Variants in DPYD observed in about 807,000 individuals in gnomAD.
DPYD encodes dihydropyrimidine dehydrogenase.
DPYD carries 109 observed loss-of-function variants against 116.2 expected under a neutral mutation model. The observed-to-expected ratio is 0.94, with a 90% CI of 0.80 to 1.10. DPYD has a LOEUF of 1.10. Ranked by LOEUF, DPYD falls within the 50% of genes least tolerant of loss-of-function variation. The pLI, the probability that DPYD is intolerant of heterozygous loss-of-function variation, is 0.00. For missense variants in DPYD, 1,302 were observed against 1,254.5 expected (o/e 1.04, Z -0.57); for synonymous variants, 440 against 432.0 (o/e 1.02, Z -0.23).
At position 97,804,638 on chromosome 1, in the gene DPYD, C is replaced by T. The variant is rs143507942; in HGVS notation, c.233+23476G>A. Reference sequence around the variant, plus strand: ...GTATAGCATACTCAATGATACAGAACTCTCTCCAGAGAAAAGAGGGAATTA... The same window carrying T: ...GTATAGCATACTCAATGATACAGAATTCTCTCCAGAGAAAAGAGGGAATTA... On this transcript the variant is annotated intron_variant, in intron 3 of 22. Coordinates refer to ENST00000370192, the MANE Select transcript of DPYD (RefSeq NM_000110.4). Among the ~76,000 whole-genome samples, 52 of 151,914 alleles carry T rather than the reference C, an allele frequency of 3.4e-4. No homozygotes were observed. The East Asian group carries it at 9.3e-3, about 27-fold the overall frequency.
intron 10 of DPYD, among the ~76,000 whole-genome samples, chr1:97,592,968 A>G (rs1571021551): frequency 6.6e-6 from 1 of 152,322 alleles, no homozygotes; most frequent in African/African-American, 2.4e-5. Flanking sequence ...ATACATTTCA[A>G]GCATATTAAC....
intron 20 of DPYD, among the ~76,000 whole-genome samples, chr1:97,112,810 T>C (rs1427994764): frequency 6.6e-6 from 1 of 152,140 alleles, no homozygotes; most frequent in Non-Finnish European, 1.5e-5. Flanking sequence ...AAAAGGACTT[T>C]CCATCCATTA....
chr1:97,436,056 G>A (rs1570730764), intron 14 of DPYD, among the ~76,000 whole-genome samples: 3 of 151,908 alleles, frequency 2.0e-5, no homozygotes, highest in African/African-American at 7.2e-5. Flanking sequence ...GATTAAATGG[G>A]CCCTTTGCAC....
chr1:97,601,955 T>G (rs1655274311), intron 8 of DPYD, among the ~76,000 whole-genome samples: 3 of 152,084 alleles, frequency 2.0e-5, no homozygotes, highest in Admixed American at 6.5e-5. Flanking sequence ...CTGTCTATAC[T>G]CTTTCTCTAA....
intron 3 of DPYD, among the ~76,000 whole-genome samples, chr1:97,811,290 T>A (rs1342212279): frequency 1.3e-5 from 2 of 152,170 alleles, no homozygotes; most frequent in Non-Finnish European, 2.9e-5. Context: ...CCAATTTTCA[T>A]GAGGATAAAG....
intron 20 of DPYD, among the ~76,000 whole-genome samples, chr1:97,144,996 T>A (rs915207705): frequency 1.3e-5 from 2 of 151,828 alleles, no homozygotes; most frequent in African/African-American, 2.4e-5. Flanking sequence ...GGCCACAGGG[T>A]GATGGTGGTG....
intron 12 of DPYD, among the ~76,000 whole-genome samples, chr1:97,533,406 T>C (rs1360057587): frequency 3.3e-5 from 5 of 152,060 alleles, no homozygotes; most frequent in African/African-American, 1.2e-4. Context: ...CCCCCTAAAA[T>C]AATAAATAAC....
chr1:97,656,883 C>T (rs1050936199), intron 8 of DPYD, among the ~76,000 whole-genome samples: 2 of 149,174 alleles, frequency 1.3e-5, no homozygotes, highest in East Asian at 2.0e-4. Context: ...ACTTTGCTTA[C>T]TATAAATGGT....
chr1:97,422,637 CA>C (rs1425314891), intron 14 of DPYD, among the ~76,000 whole-genome samples: 1 of 152,102 alleles, frequency 6.6e-6, no homozygotes, highest in East Asian at 1.9e-4. Flanking sequence ...GAGCACATGA[CA>C]GGGTGGTGGA....
intron 13 of DPYD, among the ~76,000 whole-genome samples, chr1:97,504,408 C>T (rs1679766301): frequency 6.6e-6 from 1 of 151,922 alleles, no homozygotes; most frequent in South Asian, 2.1e-4. Flanking sequence ...TTAAGGGACC[C>T]ATATTTAAAT....
rs950267918 is a variant in DPYD at position 97,549,696 on chromosome 1, T to C, written c.1388A>G (p.Glu463Gly). 6.2e-7 allele frequency: 1 copy of C among 1,613,846 alleles called. No individual in the cohort carries two copies. Among genetic ancestry groups the C allele is most frequent in the Non-Finnish European group, 8.5e-7 (1 of 1,179,876 alleles). ...AGTTTGCATAGTTTCTGGATCTACT[T>C]CTGGGAGACCCCATCTGTTAAATTT... The part of the protein sequence containing the change: ...PIKFNRWGLP[E>G]VDPETMQTSE... The change falls in exon 12 of 23, where the codon GAA (glutamate) becomes GGA (glycine). Residue 463 changes from glutamate to glycine, a missense_variant. Coordinates refer to ENST00000370192, the MANE Select transcript of DPYD (RefSeq NM_000110.4).
intron 19 of DPYD, among the ~76,000 whole-genome samples, chr1:97,206,879 A>G (rs1659675954): frequency 6.6e-6 from 1 of 151,326 alleles, no homozygotes; most frequent in Non-Finnish European, 1.5e-5. Context: ...ATAGACACAT[A>G]TATACACATA....
At chr1:97,888,664 A>G (rs560323153) in intron 1 of DPYD, among the ~76,000 whole-genome samples, 179 of 152,154 alleles carry the variant, frequency 1.2e-3, no homozygotes, top group Non-Finnish European at 2.1e-3. Flanking sequence ...AATAGTTTCA[A>G]TAAGTTTAAC....
Position 97,691,745 on chromosome 1 carries a change from A to G in DPYD, c.734T>C (p.Ile245Thr). ...TACACCAAGGTCCTTCATTAGCTCA[A>G]TCTCAAAATTCACTACATCATACGG... ...RLPYDVVNFEIELMKDLGVKI... is the reference protein window; with the variant it reads ...RLPYDVVNFETELMKDLGVKI... Residue 245 changes from isoleucine (I) to threonine (T), a missense_variant, in exon 7 of 23, where the codon ATT (isoleucine) becomes ACT (threonine). Ile to Thr is a moderately conservative substitution (Grantham distance 89). Coordinates refer to ENST00000370192, the MANE Select transcript of DPYD (RefSeq NM_000110.4). 1.9e-6 allele frequency: 3 copies of G among 1,613,758 alleles called. No homozygotes were observed. The highest frequency in any genetic ancestry group is 3.3e-4 in the Middle Eastern group (2 of 6,058).
At chr1:97,633,315 T>C (rs1286886416) in intron 8 of DPYD, among the ~76,000 whole-genome samples, 10 of 152,068 alleles carry the variant, frequency 6.6e-5, no homozygotes, top group Non-Finnish European at 1.5e-4. Flanking sequence ...GCCCCTATAA[T>C]GTAAAGGGAA....
intron 20 of DPYD, among the ~76,000 whole-genome samples, chr1:97,125,332 C>A (rs1378026965): frequency 6.6e-6 from 1 of 151,684 alleles, no homozygotes; most frequent in African/African-American, 2.4e-5. Flanking sequence ...TTTTTCTCAA[C>A]AAAAAAACAG....
chr1:97,746,408 T>C (rs939208988), intron 3 of DPYD, among the ~76,000 whole-genome samples: 8 of 152,054 alleles, frequency 5.3e-5, no homozygotes, highest in Admixed American at 2.0e-4. Flanking sequence ...TCAAGTACTT[T>C]GTGCTGTCTC....
At chr1:97,637,621 G>T (rs75314491) in intron 8 of DPYD, among the ~76,000 whole-genome samples, 10,795 of 151,986 alleles carry the variant, frequency 0.071, 568 homozygotes, top group Non-Finnish European at 0.094. Flanking sequence ...AGACAAACAA[G>T]AAAGAAGTGA....
chr1:97,403,028 C>A (rs961833245), intron 14 of DPYD, among the ~76,000 whole-genome samples: 3 of 151,960 alleles, frequency 2.0e-5, no homozygotes, highest in African/African-American at 2.4e-5. Context: ...TTTTGTTGAG[C>A]ATTTTTGCAT....
Sources: allele counts gnomAD v4.1 joint callset (sites outside exome capture counted in the v4.1 genomes callset), GRCh38; gene constraint gnomAD v4.1.1; transcripts MANE v1.5; gene names NCBI Gene and HGNC (gene_info 2026-07-23, HGNC 2026-07-21).